The following ANKRD46 variants were observed in gnomAD, a reference collection of about 807,000 sequenced individuals.
ANKRD46 encodes the protein ankyrin repeat domain-containing protein 46.
Under a neutral mutation model 19.8 loss-of-function variants are expected in ANKRD46, and 13 were observed. The ratio of observed to expected loss-of-function variants is 0.66; its 90% CI spans 0.43 to 1.04. The LOEUF (loss-of-function observed/expected upper bound fraction) is 1.04, where lower values mean the gene tolerates loss of function less well. ANKRD46 is among the 50% of genes least tolerant of loss of function. The pLI is 0.00. For synonymous variants in ANKRD46, 91 were observed against 106.9 expected (o/e 0.85, Z 0.92); for missense variants, 185 against 274.8 (o/e 0.67, Z 2.31).
At chr8:100,535,615 T>C (rs1027013556) in intron 1 of ANKRD46, among the ~76,000 whole-genome samples, 2 of 152,234 alleles carry the variant, frequency 1.3e-5, no homozygotes, top group Non-Finnish European at 2.9e-5. Context: ...TCTTTAATTC[T>C]GTCATTTCAA....
At chr8:100,531,565 T>C (rs1455552855) in intron 2 of ANKRD46, among the ~76,000 whole-genome samples, 1 of 152,232 alleles carries the variant, frequency 6.6e-6, no homozygotes, top group Non-Finnish European at 1.5e-5. Context: ...GAGCTTTTAA[T>C]GAATTTAATT....
At chr8:100,533,841 C>T (rs1050910599) in intron 1 of ANKRD46, among the ~76,000 whole-genome samples, 1 of 152,116 alleles carries the variant, frequency 6.6e-6, no homozygotes, top group East Asian at 1.9e-4. Flanking sequence ...AAATCTGTTC[C>T]CTTCCTTGTC....
rs1406848234 is a variant in ANKRD46, at chr8:100,527,114, T to C, written c.470+731A>G. Among the ~76,000 whole-genome samples, 1 of 152,190 alleles carries C rather than the reference T, an allele frequency of 6.6e-6. No homozygotes were observed. Among genetic ancestry groups the C allele is most frequent in the East Asian group, 1.9e-4 (1 of 5,200 alleles). ...GGAGAAAAGATGGTGCGCCACCTTT[T>C]TGGAGCTCTCTGAACTGCATTCTCC... On this transcript the variant is annotated intron_variant, in intron 4 of 4. Coordinates refer to ENST00000335659, the MANE Select transcript of ANKRD46 (RefSeq NM_001270377.2). The surrounding 1 kb of genome is among the most constrained non-coding windows in gnomAD (Gnocchi z 4.0).
chr8:100,531,150 G>T (rs1811955155), intron 2 of ANKRD46, among the ~76,000 whole-genome samples: 1 of 152,206 alleles, frequency 6.6e-6, no homozygotes, highest in African/African-American at 2.4e-5. Flanking sequence ...CCTGTCAAAA[G>T]AAACTTCGCT....
In ANKRD46 at chr8:100,546,233, C is replaced by T. The variant is rs2130694886; in HGVS notation, c.-130-12922G>A. 6.6e-6 allele frequency among the ~76,000 whole-genome samples: 1 copy of T among 152,356 alleles called. No homozygotes were observed. The highest frequency in any genetic ancestry group is 1.9e-4 in the East Asian group (1 of 5,186). On this transcript the variant is annotated intron_variant, in intron 1 of 4. Coordinates refer to ENST00000335659, the MANE Select transcript of ANKRD46 (RefSeq NM_001270377.2). The surrounding 1 kb of genome is among the most constrained non-coding windows in gnomAD (Gnocchi z 4.0). ...AATTTCCCCAAGGCATGTCAGAGAT[C>T]TTCATGGCAGCCCCTCCCATCACAG...
intron 1 of ANKRD46, among the ~76,000 whole-genome samples, chr8:100,535,139 CATA>C (rs1045941559): frequency 2.0e-5 from 3 of 152,176 alleles, no homozygotes; most frequent in African/African-American, 7.2e-5. Context: ...TGTATGATTT[CATA>C]ATAATATTAT....
intron 1 of ANKRD46, among the ~76,000 whole-genome samples, chr8:100,539,903 A>G (rs1184991909): frequency 6.6e-6 from 1 of 152,224 alleles, no homozygotes. Flanking sequence ...AAAAAAGGCC[A>G]GTTCACTGAG....
At chr8:100,548,651 A>T (rs1464139920) in intron 1 of ANKRD46, among the ~76,000 whole-genome samples, 1 of 152,232 alleles carries the variant, frequency 6.6e-6, no homozygotes, top group Non-Finnish European at 1.5e-5. Flanking sequence ...AAGTGAATGG[A>T]TGGTCCAAAC....
In ANKRD46 at chr8:100,526,686, T is replaced by C. The variant is rs1272094128; in HGVS notation, c.470+1159A>G. On this transcript the variant is annotated intron_variant, in intron 4 of 4. Coordinates refer to ENST00000335659, the MANE Select transcript of ANKRD46 (RefSeq NM_001270377.2). ...GTATCTGAACAAAATAGACCTAAGCTTGAGAGTGGAATTAATGGTCCCCAA... is the reference window on the plus strand; with the variant it reads ...GTATCTGAACAAAATAGACCTAAGCCTGAGAGTGGAATTAATGGTCCCCAA... 7.9e-5 allele frequency among the ~76,000 whole-genome samples: 12 copies of C among 152,152 alleles called. No individual in the cohort carries two copies. The East Asian group carries it at 2.3e-3, about 29-fold the overall frequency.
At chr8:100,548,322 C>G (rs370493607) in intron 1 of ANKRD46, among the ~76,000 whole-genome samples, 83 of 152,254 alleles carry the variant, frequency 5.5e-4, no homozygotes, top group African/African-American at 2.0e-3. Context: ...TACTCTACCC[C>G]TGACTTGCCT....
At chr8:100,553,728 G>A (rs1445429677) in intron 1 of ANKRD46, among the ~76,000 whole-genome samples, 3 of 152,198 alleles carry the variant, frequency 2.0e-5, no homozygotes, top group Admixed American at 6.5e-5. Flanking sequence ...CAGCCTGGGA[G>A]ACAGAGCAAA....
intron 1 of ANKRD46, among the ~76,000 whole-genome samples, chr8:100,542,423 G>T (rs189290999): frequency 1.3e-5 from 2 of 152,046 alleles, no homozygotes; most frequent in Non-Finnish European, 2.9e-5. Flanking sequence ...ACTGAGAAAC[G>T]GCAGAATGAC....
Position 100,520,840 on chromosome 8 carries a change from G to T in ANKRD46, c.*1715C>A, listed in dbSNP as rs1811710404. The T allele has an allele frequency of 1.0e-6, 1 of 982,164 alleles. No individual in the cohort carries two copies. Among genetic ancestry groups the T allele is most frequent in the South Asian group, 4.7e-5 (1 of 21,182 alleles). 60.8% of individuals were successfully genotyped at this position (982,164 alleles called of 1,614,324 possible). A position where few individuals can be genotyped will look rare whatever the true frequency, so the allele number is the denominator to read the frequency against. On this transcript the variant is annotated 3_prime_UTR_variant, in exon 5 of 5. Coordinates refer to ENST00000335659, the MANE Select transcript of ANKRD46 (RefSeq NM_001270377.2). ...ATGAATGCAGAGAACAGAATACAAA[G>T]AAATCAGCACATAAAAGGAACCATT... is the stretch of plus-strand genomic sequence containing the variant.
chr8:100,535,584 A>G (rs1224181373), intron 1 of ANKRD46, among the ~76,000 whole-genome samples: 1 of 152,284 alleles, frequency 6.6e-6, no homozygotes, highest in African/African-American at 2.4e-5. Context: ...ACACCTAGAA[A>G]ACACTACCTA....
In ANKRD46 at chr8:100,510,287, T is replaced by C; in HGVS notation, c.*290A>G. On this transcript the variant is annotated 3_prime_UTR_variant, in exon 6 of 6. Transcript: ENST00000520552. This position sits in a 1 kb window ranked among gnomAD's most constrained non-coding sequence, Gnocchi z 4.9. ...AAGATCAAATGGATGTGATTTGCCT[T>C]GTGGAGGTGGCATCCTGCCCGGGCG... 1 of 365,380 alleles carries C rather than the reference T, an allele frequency of 2.7e-6. No individual in the cohort carries two copies. Among genetic ancestry groups the C allele is most frequent in the Non-Finnish European group, 4.9e-6 (1 of 202,722 alleles). The allele number at this position is 365,380 out of a possible 1,614,324, so 22.6% of individuals were successfully genotyped here.
In ANKRD46 at chr8:100,511,382, G is replaced by A. The variant is rs957405186; in HGVS notation, c.637-743C>T. The stretch of plus-strand genomic sequence containing the variant: ...CAAAAGAGTGGGTGTTTATGACAAG[G>A]AGTGTCTTGTTTATTTTCTTATGTA... On this transcript the variant is annotated intron_variant, in intron 5 of 5. Transcript: ENST00000520552. This position sits in a 1 kb window ranked among gnomAD's most constrained non-coding sequence, Gnocchi z 4.1. Among the ~76,000 whole-genome samples, 5 of 151,188 alleles carry A rather than the reference G, an allele frequency of 3.3e-5. No homozygotes were observed. Among genetic ancestry groups the A allele is most frequent in the African/African-American group, 1.2e-4 (5 of 41,268 alleles).
intron 4 of ANKRD46, 72 bp from the exon 5 acceptor site, chr8:100,522,843 T>C: frequency 8.0e-7 from 1 of 1,248,230 alleles, no homozygotes; most frequent in East Asian, 2.5e-5. Flanking sequence ...ACCACAGGGC[T>C]ACTATTTAGA....
chr8:100,540,927 CTGTT>C (rs771960706), intron 1 of ANKRD46, among the ~76,000 whole-genome samples: 62 of 151,456 alleles, frequency 4.1e-4, no homozygotes, highest in Non-Finnish European at 7.2e-4. Flanking sequence ...TTCTTTAAAA[CTGTT>C]TTTTTCTAGT....
chr8:100,525,849 C>T lies in ANKRD46; in HGVS notation c.470+1996G>A, dbSNP rs1257381018. On this transcript the variant is annotated intron_variant, in intron 4 of 4. Transcript: ENST00000335659. This position sits in a 1 kb window ranked among gnomAD's most constrained non-coding sequence, Gnocchi z 4.4. ...AAAGAAGCTGCTCTACTTTCCATTC[C>T]CATCAGCAGTGTATGAGGGTTCCAA... Among the ~76,000 whole-genome samples the T allele has an allele frequency of 6.6e-6, 1 of 152,164 alleles. No individual in the cohort carries two copies. The highest frequency in any genetic ancestry group is 1.5e-5 in the Non-Finnish European group (1 of 68,018).
Sources: gnomAD v4.1 joint callset for allele counts (sites outside exome capture counted in the v4.1 genomes callset) on GRCh38, gnomAD v4.1.1 for gene constraint, Gnocchi (gnomAD v3.1) non-coding constraint, MANE v1.5 for transcripts, NCBI Gene and HGNC (gene_info 2026-07-23, HGNC 2026-07-21) for gene names.